ABAT: variants seen among roughly 807,000 people sequenced by gnomAD.
ABAT encodes 4-aminobutyrate aminotransferase, mitochondrial.
In ABAT, 45 loss-of-function variants were observed where a neutral mutation model predicts 64.6. The observed-to-expected ratio is 0.70, with a 90% CI of 0.55 to 0.89. ABAT has a LOEUF of 0.89. Ranked by LOEUF, ABAT falls within the 40% of genes least tolerant of loss-of-function variation. ABAT has a pLI of 0.00. For synonymous variants in ABAT, 297 were observed against 250.5 expected, an observed-to-expected ratio of 1.19 and a Z score of -1.75; for missense variants, 633 against 658.4, an observed-to-expected ratio of 0.96 and a Z score of 0.42.
chr16:8,753,330 C>T (rs967668201), intron 5 of ABAT, among the ~76,000 whole-genome samples: 4 of 152,110 alleles, frequency 2.6e-5, no homozygotes, highest in African/African-American at 9.7e-5. Context: ...CTTCTGACCT[C>T]GTGATCCACC....
chr16:8,760,716 G>C (rs1373348683), intron 6 of ABAT, among the ~76,000 whole-genome samples: 1 of 152,202 alleles, frequency 6.6e-6, no homozygotes, highest in African/African-American at 2.4e-5. Flanking sequence ...AAACACATCA[G>C]ACACATTTGC....
rs1206281801 is a variant in ABAT at position 8,782,227 on chromosome 16, C to T, written c.*797C>T. The T allele has an allele frequency of 6.5e-6, 1 of 152,764 alleles. No homozygotes were observed. The highest frequency in any genetic ancestry group is 1.9e-4 in the East Asian group (1 of 5,194). The allele number at this position is 152,764 out of a possible 1,614,324, so 9.5% of individuals were successfully genotyped here. ...GACCTGGGTGGGAGGAAACTGTAGC[C>T]TGAGTGTCCACAGGGACACACGTGA... On this transcript the variant is annotated 3_prime_UTR_variant, in exon 16 of 16. Coordinates refer to ENST00000268251, the MANE Select transcript of ABAT (RefSeq NM_020686.6).
chr16:8,781,264 G>C lies in ABAT; in HGVS notation c.1382-45G>C, dbSNP rs1350557009. 1 of 1,613,334 alleles carries C rather than the reference G, an allele frequency of 6.2e-7. No homozygotes were observed. Among genetic ancestry groups the C allele is most frequent in the Non-Finnish European group, 8.5e-7 (1 of 1,179,866 alleles). On this transcript the variant is annotated intron_variant, in intron 15 of 15. Transcript: ENST00000268251. This position sits in a 1 kb window ranked among gnomAD's most constrained non-coding sequence, Gnocchi z 4.5. ...TTTCCCCCCAGCTCTCCCAGCATGT[G>C]ACTTTGAGAAACCACGCTCCTCACC... is the stretch of plus-strand genomic sequence containing the variant.
rs997419357 is a variant in ABAT at position 8,776,075 on chromosome 16, G to T, written c.1123-269G>T. 1.3e-5 allele frequency among the ~76,000 whole-genome samples: 2 copies of T among 152,200 alleles called. No individual in the cohort carries two copies. The highest frequency in any genetic ancestry group is 2.4e-5 in the African/African-American group (1 of 41,440). On this transcript the variant is annotated intron_variant, in intron 13 of 15. Coordinates refer to ENST00000268251, the MANE Select transcript of ABAT (RefSeq NM_020686.6). The surrounding 1 kb of genome is among the most constrained non-coding windows in gnomAD (Gnocchi z 4.4). ...TTTCCTGGGACTGAGGGATTTCCCA[G>T]TGCATGGGACGATTTGGTCCTCCCC... is the stretch of plus-strand genomic sequence containing the variant.
intron 1 of ABAT, among the ~76,000 whole-genome samples, chr16:8,704,878 G>T (rs1397121745): frequency 6.6e-6 from 1 of 152,002 alleles, no homozygotes; most frequent in Non-Finnish European, 1.5e-5. Context: ...CAAATGGGGG[G>T]TCTCACTATG....
chr16:8,734,445 C>G (rs540661235), intron 1 of ABAT, among the ~76,000 whole-genome samples: 1 of 152,122 alleles, frequency 6.6e-6, no homozygotes, highest in Non-Finnish European at 1.5e-5. Flanking sequence ...CTAAGTGTTG[C>G]GTGACTGTGA....
At chr16:8,711,896 AC>A (rs1450249936) in intron 1 of ABAT, among the ~76,000 whole-genome samples, 3 of 152,162 alleles carry the variant, frequency 2.0e-5, no homozygotes, top group African/African-American at 4.8e-5. Flanking sequence ...GAACAGACAG[AC>A]AAAAAACAGA....
At chr16:8,713,620 T>C (rs1463798583) in intron 1 of ABAT, 3 of 312,874 alleles carry the variant, frequency 9.6e-6, no homozygotes. Flanking sequence ...GGGTACCAGC[T>C]GAGTGCATCC....
intron 12 of ABAT, 114 bp downstream of exon 12, chr16:8,773,031 C>G (rs1596470525): frequency 2.8e-6 from 4 of 1,429,250 alleles, no homozygotes; most frequent in Non-Finnish European, 3.9e-6. Context: ...TCCAGACTTG[C>G]AGAGGCTGTC....
rs953767321 is a variant in ABAT at position 8,781,535 on chromosome 16, A to C, written c.*105A>C. On this transcript the variant is annotated 3_prime_UTR_variant, in exon 16 of 16. Transcript: ENST00000268251. The surrounding 1 kb of genome is among the most constrained non-coding windows in gnomAD (Gnocchi z 4.5). ...ACTTAAAAGTATCAGAGGTGAATGC[A>C]CAGTGAAGGGTGATTTGTGGGGAGG... The C allele has an allele frequency of 2.2e-5, 33 of 1,484,674 alleles. No homozygotes were observed. Among genetic ancestry groups the C allele is most frequent in the Middle Eastern group, 1.8e-4 (1 of 5,692 alleles). 92.0% of individuals were successfully genotyped at this position (1,484,674 alleles called of 1,614,324 possible). A position where few individuals can be genotyped will look rare whatever the true frequency, so the allele number is the denominator to read the frequency against.
At position 8,766,196 on chromosome 16, in the gene ABAT, C is replaced by G. The variant is rs746651534; in HGVS notation, c.541-12C>G. On this transcript the variant is annotated splice_polypyrimidine_tract_variant and intron_variant, in intron 8 of 15. Transcript: ENST00000268251. ...AGCATCTCTGAGATTTTGTTCTGTTCTATTGTTTCAGAGCAAGGAAAGAGG... is the reference window on the plus strand; with the variant it reads ...AGCATCTCTGAGATTTTGTTCTGTTGTATTGTTTCAGAGCAAGGAAAGAGG... The G allele has an allele frequency of 9.9e-6, 16 of 1,613,472 alleles. No individual in the cohort carries two copies. The highest frequency in any genetic ancestry group is 1.4e-5 in the Non-Finnish European group (16 of 1,179,606).
intron 1 of ABAT, among the ~76,000 whole-genome samples, chr16:8,690,856 G>A (rs977462615): frequency 7.9e-5 from 12 of 152,176 alleles, no homozygotes; most frequent in African/African-American, 1.4e-4. Context: ...CAAACATAGC[G>A]GACAGGATTG....
Position 8,682,186 on chromosome 16 carries a change from T to TACACACACACACAC in ABAT, c.-42+7503_-42+7516dup, listed in dbSNP as rs55951090. On this transcript the variant is annotated intron_variant, in intron 1 of 15. Transcript: ENST00000268251. ...ATCAGATTGCTTGTGCCTAACAGGATACACACACACACACACACACACACA... is the reference window on the plus strand; with the variant it reads ...ATCAGATTGCTTGTGCCTAACAGGATACACACACACACACACACACACACACACACACACACACA... Among the ~76,000 whole-genome samples the TACACACACACACAC allele has an allele frequency of 4.3e-3, 560 of 131,536 alleles. 2 individuals carry two copies. Among genetic ancestry groups the TACACACACACACAC allele is most frequent in the Middle Eastern group, 8.1e-3 (2 of 246 alleles). 86.3% of individuals were successfully genotyped at this position (131,536 alleles called of 152,430 possible).
chr16:8,738,419 C>G (rs956841645), intron 2 of ABAT: 2 of 455,642 alleles, frequency 4.4e-6, no homozygotes, highest in Non-Finnish European at 4.4e-6. Flanking sequence ...CTCATTTTTC[C>G]TTTAATGTCT....
chr16:8,781,203 A>T lies in ABAT; in HGVS notation c.1382-106A>T. 6.4e-7 allele frequency: 1 copy of T among 1,553,660 alleles called. No homozygotes were observed. The highest frequency in any genetic ancestry group is 8.9e-7 in the Non-Finnish European group (1 of 1,128,418). ...ATGATGGAGGATGATGGATGGATGGATGGATGGATGGATGAGCGTTGCCAA... is the reference window on the plus strand; with the variant it reads ...ATGATGGAGGATGATGGATGGATGGTTGGATGGATGGATGAGCGTTGCCAA... On this transcript the variant is annotated intron_variant, in intron 15 of 15. Transcript: ENST00000268251. This position sits in a 1 kb window ranked among gnomAD's most constrained non-coding sequence, Gnocchi z 4.5.
At chr16:8,725,207 C>T (rs528820837) in intron 1 of ABAT, among the ~76,000 whole-genome samples, 163 of 152,304 alleles carry the variant, frequency 1.1e-3, no homozygotes, top group Middle Eastern at 6.8e-3. Flanking sequence ...TGAGCCAGCG[C>T]GCCTGGCTTT....
At chr16:8,748,196 G>C (rs2059386330) in intron 4 of ABAT, 59 bp downstream of exon 4, 2 of 1,489,004 alleles carry the variant, frequency 1.3e-6, no homozygotes, top group African/African-American at 2.8e-5. Flanking sequence ...TGAGCTAAAA[G>C]ACAGATGCTT....
At chr16:8,780,763 T>TAA (rs60149541) in intron 15 of ABAT, 84 of 137,462 alleles carry the variant, frequency 6.1e-4, no homozygotes, top group Middle Eastern at 3.8e-3. Flanking sequence ...ACTCCATCTC[T>TAA]AAAAAAAAAA....
At chr16:8,697,024 T>A (rs943415505) in intron 1 of ABAT, among the ~76,000 whole-genome samples, 4 of 152,190 alleles carry the variant, frequency 2.6e-5, no homozygotes, top group African/African-American at 9.6e-5. Context: ...GCTTGCGTGC[T>A]GGCGGAGAGG....
Sources: gnomAD v4.1 joint callset for allele counts (sites outside exome capture counted in the v4.1 genomes callset) on GRCh38, gnomAD v4.1.1 for gene constraint, Gnocchi (gnomAD v3.1) non-coding constraint, MANE v1.5 for transcripts, NCBI Gene and HGNC (gene_info 2026-07-23, HGNC 2026-07-21) for gene names.